TUB: variants seen among roughly 807,000 people sequenced by gnomAD.
TUB encodes TUB bipartite transcription factor.
Under a neutral mutation model 59.7 loss-of-function variants are expected in TUB, and 33 were observed. That is an observed-to-expected ratio of 0.55 (90% CI 0.42 to 0.74). TUB has a LOEUF of 0.74. Among genes scored for constraint, TUB ranks in the 30% least tolerant of loss-of-function variants. TUB has a pLI of 0.00. For synonymous variants in TUB, 293 were observed against 256.4 expected, an observed-to-expected ratio of 1.14 and a Z score of -1.36; for missense variants, 659 against 672.0, an observed-to-expected ratio of 0.98 and a Z score of 0.21.
In TUB at chr11:8,054,176, G is replaced by C. The variant is rs181096259; in HGVS notation, c.203+14484G>C. 3.9e-5 allele frequency among the ~76,000 whole-genome samples: 6 copies of C among 152,278 alleles called. No homozygotes were observed. The East Asian group carries it at 1.2e-3, about 29-fold the overall frequency. On this transcript the variant is annotated intron_variant, in intron 2 of 12. Transcript: ENST00000305253. ...TTCATCTTGGTCTGGCACCTTTCTT[G>C]TCTGGAGCTGTTTAGCAACATTTCC...
In TUB at chr11:8,093,983, GGGA is replaced by G; in HGVS notation, c.254-61_254-59del. On this transcript the variant is annotated intron_variant, in intron 3 of 11. Transcript: ENST00000299506. ...GCTGTGCTGGGGACTGTGTTCAGGT[GGGA>G]GCTCTGGTCTCACCCACTGCCTGTT... 4 of 1,602,972 alleles carry G rather than the reference GGGA, an allele frequency of 2.5e-6. No homozygotes were observed. In the South Asian group the frequency reaches 4.4e-5, roughly 18 times the overall value.
chr11:8,049,578 T>TATATATATATATATATAGATAGATAG (rs1055522231), intron 2 of TUB, among the ~76,000 whole-genome samples: 21 of 85,916 alleles, frequency 2.4e-4, no homozygotes, highest in Non-Finnish European at 4.9e-4. Context: ...TATATATATA[T>TATATATATATATATATAGATAGATAG]ATAGATAGAT....
intron 1 of TUB, among the ~76,000 whole-genome samples, chr11:8,024,135 G>T (rs908115322): frequency 2.0e-4 from 30 of 152,136 alleles, no homozygotes; most frequent in African/African-American, 7.2e-4. Context: ...CCTTTTCCCG[G>T]CCTCTCTTCT....
chr11:8,097,327 A>G lies in TUB; in HGVS notation c.787A>G (p.Ile263Val), dbSNP rs143280502. Residue 263 changes from isoleucine to valine, a missense_variant, in exon 7 of 12, where the codon ATC becomes GTC. Around this residue, in one of 3 missense-constraint regions of TUB, gnomAD observed 112 missense variants for 156.9 expected, o/e 0.71. Coordinates refer to ENST00000299506, the MANE Select transcript of TUB (RefSeq NM_177972.3). ...TGCACTGAGGCCGGCCCCCCAGGGT[A>G]TCACCATCAAATGCCGCATCACTCG... Reference protein sequence around the residue: ...EFALRPAPQGITIKCRITRDK... With the variant: ...EFALRPAPQGVTIKCRITRDK... 2,747 of 1,614,178 alleles carry G rather than the reference A, an allele frequency of 1.7e-3. 4 individuals are homozygous for G. Among genetic ancestry groups the G allele is most frequent in the Admixed American group, 4.5e-3 (272 of 60,024 alleles).
At chr11:8,021,759 C>CA (rs1458346112) in intron 1 of TUB, among the ~76,000 whole-genome samples, 4 of 151,008 alleles carry the variant, frequency 2.6e-5, no homozygotes, top group Admixed American at 1.3e-4. Flanking sequence ...AATAAAAATA[C>CA]AAAAAAATTA....
chr11:8,079,062 C>T (rs1004237755), upstream of TUB, among the ~76,000 whole-genome samples: 1 of 152,130 alleles, frequency 6.6e-6, no homozygotes, highest in Non-Finnish European at 1.5e-5. Context: ...GATTTTGCTC[C>T]CTTAGGACAG....
At chr11:8,055,897 A>T (rs1346296743) in intron 2 of TUB, among the ~76,000 whole-genome samples, 1 of 152,126 alleles carries the variant, frequency 6.6e-6, no homozygotes, top group African/African-American at 2.4e-5. Flanking sequence ...GTGACTTCTG[A>T]TCCCTCCCTG....
At chr11:8,060,323 G>A (rs1056246320) in intron 2 of TUB, among the ~76,000 whole-genome samples, 31 of 152,180 alleles carry the variant, frequency 2.0e-4, no homozygotes, top group Admixed American at 7.2e-4. Flanking sequence ...AGGTCCCTCC[G>A]TACAGGAAAA....
upstream of TUB, among the ~76,000 whole-genome samples, chr11:8,034,757 C>G (rs547519306): frequency 1.6e-3 from 246 of 152,322 alleles, no homozygotes; most frequent in African/African-American, 5.5e-3. Context: ...CTCCATTCCC[C>G]TCTCCCCTTC....
At chr11:8,039,106 C>T (rs562592999) in intron 1 of TUB, 4 of 1,535,530 alleles carry the variant, frequency 2.6e-6, no homozygotes, top group East Asian at 4.6e-5. Context: ...TCACTGACCT[C>T]AACCCTTTAC....
chr11:8,029,641 A>G (rs1380105667), intron 1 of TUB, among the ~76,000 whole-genome samples: 1 of 151,912 alleles, frequency 6.6e-6, no homozygotes, highest in African/African-American at 2.4e-5. Context: ...TGCCCGCCTC[A>G]GCCTCCCAAA....
At chr11:8,100,675 C>T (rs1944242595) in intron 10 of TUB, 74 bp downstream of exon 10, 15 of 1,542,212 alleles carry the variant, frequency 9.7e-6, no homozygotes, top group Admixed American at 1.7e-5. Flanking sequence ...GGCAGAACTC[C>T]AGCTGATGTG....
At chr11:8,096,559 G>A in intron 5 of TUB, 126 bp from the exon 6 acceptor site, 1 of 717,934 alleles carries the variant, frequency 1.4e-6, no homozygotes, top group Non-Finnish European at 2.6e-6. Flanking sequence ...ATGGCTAAGA[G>A]TGTGTGCATA....
chr11:8,041,704 T>A (rs1033338395), intron 2 of TUB, among the ~76,000 whole-genome samples: 18 of 152,198 alleles, frequency 1.2e-4, no homozygotes, highest in African/African-American at 3.6e-4. Context: ...AATCAACTCT[T>A]GTTCCTATTC....
chr11:8,081,485 C>G lies in TUB; in HGVS notation c.-26C>G. Reference sequence around the variant, plus strand: ...CTCCGGGCCCCGGCCTCCAGAGCCGCAGCCACCGCCCCGCCCCCGAGAGAC... The same window carrying G: ...CTCCGGGCCCCGGCCTCCAGAGCCGGAGCCACCGCCCCGCCCCCGAGAGAC... On this transcript the variant is annotated 5_prime_UTR_variant, in exon 1 of 12. Transcript: ENST00000299506. 6.7e-7 allele frequency: 1 copy of G among 1,502,750 alleles called. No homozygotes were observed. 93.1% of individuals were successfully genotyped at this position (1,502,750 alleles called of 1,614,324 possible).
intron 11 of TUB, 148 bp downstream of exon 11, chr11:8,101,145 C>A (rs747246826): frequency 5.3e-5 from 53 of 1,008,124 alleles, no homozygotes; most frequent in African/African-American, 6.5e-5. Context: ...ACTTTCTAAC[C>A]CTAATGACTG....
chr11:8,081,726 C>T (rs1386536521), intron 1 of TUB, among the ~76,000 whole-genome samples, 178 bp downstream of exon 1: 2 of 152,170 alleles, frequency 1.3e-5, no homozygotes, highest in African/African-American at 4.8e-5. Flanking sequence ...GGACTGCTCC[C>T]GCCTGCCCCG....
intron 1 of TUB, among the ~76,000 whole-genome samples, chr11:8,032,690 ACATCTG>A (rs1942592821): frequency 2.1e-5 from 1 of 46,960 alleles, no homozygotes; most frequent in Non-Finnish European, 6.8e-5. Context: ...CACCTCCCGC[ACATCTG>A]GCTCACGCCA....
rs1440064480 is a variant in TUB, at chr11:8,090,210, A to C, written c.232A>C (p.Ser78Arg). ...CCTGGTGGAGTCCTACCTCAGCAGC[A>C]GTGGCAGCACCAGCTACCAAGGTAT... ...APLVESYLSS[S>R]GSTSYQVQEA... The change falls in exon 3 of 12, where the codon AGT (serine) becomes CGT (arginine). Residue 78 changes from serine to arginine, a missense_variant. By Grantham distance (110) the Ser-to-Arg change is moderately radical. Around this residue, in one of 3 missense-constraint regions of TUB, gnomAD observed 321 missense variants for 304.3 expected, o/e 1.05. Transcript: ENST00000299506. 1 of 1,613,704 alleles carries C rather than the reference A, an allele frequency of 6.2e-7. No individual in the cohort carries two copies. The highest frequency in any genetic ancestry group is 1.1e-5 in the South Asian group (1 of 91,076).
Sources: allele counts gnomAD v4.1 joint callset (sites outside exome capture counted in the v4.1 genomes callset), GRCh38; gene constraint gnomAD v4.1.1; regional missense constraint gnomAD v4.1.1; transcripts MANE v1.5; gene names NCBI Gene and HGNC (gene_info 2026-07-23, HGNC 2026-07-21).